GABBR2: variants seen among roughly 807,000 people sequenced by gnomAD.
GABBR2 encodes G-protein coupled receptor 51.
GABBR2 carries 23 observed loss-of-function variants against 105.6 expected under a neutral mutation model. The observed-to-expected ratio is 0.22, with a 90% CI of 0.16 to 0.31. The LOEUF (loss-of-function observed/expected upper bound fraction) is 0.31. GABBR2 is among the 10% of genes least tolerant of loss of function. The probability of loss-of-function intolerance (pLI) is 1.00; values close to 1 mark genes in which losing one functional copy is unlikely to be tolerated. For missense variants in GABBR2, 734 were observed against 1,245.5 expected (o/e 0.59, Z 6.18); for synonymous variants, 478 against 499.7 (o/e 0.96, Z 0.58).
At chr9:98,396,633 C>T (rs1046025101) in intron 8 of GABBR2, among the ~76,000 whole-genome samples, 6 of 152,206 alleles carry the variant, frequency 3.9e-5, no homozygotes, top group Non-Finnish European at 7.3e-5. Flanking sequence ...CTGCTTTGGC[C>T]TTTTGAAGTC....
Position 98,676,632 on chromosome 9 carries a change from C to G in GABBR2, c.321+31785G>C, listed in dbSNP as rs140880232. On this transcript the variant is annotated intron_variant, in intron 1 of 18. Coordinates refer to ENST00000259455, the MANE Select transcript of GABBR2 (RefSeq NM_005458.8). ...TTTCCCCTTCTGGTGAGCTAAAACA[C>G]AAATGTGGCAGGGACCCTATTGCAA... 1.4e-4 allele frequency among the ~76,000 whole-genome samples: 21 copies of G among 152,244 alleles called. No individual in the cohort carries two copies. The East Asian group carries it at 4.1e-3, about 29-fold the overall frequency.
chr9:98,582,217 TA>T (rs1829012953), intron 1 of GABBR2, among the ~76,000 whole-genome samples: 1 of 152,212 alleles, frequency 6.6e-6, no homozygotes, highest in African/African-American at 2.4e-5. Context: ...CATAAGTCCT[TA>T]AAAGCAGATC....
intron 7 of GABBR2, among the ~76,000 whole-genome samples, chr9:98,436,634 G>A (rs932289829): frequency 4.6e-5 from 7 of 150,932 alleles, no homozygotes; most frequent in Non-Finnish European, 1.0e-4. Flanking sequence ...TCCATGCCCC[G>A]TGCTCCTCCT....
chr9:98,670,651 A>T (rs1830396007), intron 1 of GABBR2, among the ~76,000 whole-genome samples: 1 of 152,272 alleles, frequency 6.6e-6, no homozygotes, highest in Admixed American at 6.5e-5. Context: ...ATTCAGCTTA[A>T]AAAGGAAAGA....
At chr9:98,645,240 G>T (rs140934873) in intron 1 of GABBR2, among the ~76,000 whole-genome samples, 100 of 152,328 alleles carry the variant, frequency 6.6e-4, no homozygotes, top group African/African-American at 2.3e-3. Flanking sequence ...GCAATGGGCT[G>T]CAGTGGTAAC....
chr9:98,611,493 T>C (rs1353085784), intron 1 of GABBR2, among the ~76,000 whole-genome samples: 1 of 144,350 alleles, frequency 6.9e-6, no homozygotes, highest in East Asian at 2.0e-4. Flanking sequence ...AATGAATGAA[T>C]GAAATTGGAA....
chr9:98,532,527 T>C (rs1370949519), intron 3 of GABBR2, among the ~76,000 whole-genome samples: 1 of 152,184 alleles, frequency 6.6e-6, no homozygotes, highest in African/African-American at 2.4e-5. Context: ...CCAGGAGGGA[T>C]GCCAAGGGCA....
At chr9:98,338,251 TAAAAG>T (rs1273544609) in intron 13 of GABBR2, among the ~76,000 whole-genome samples, 1 of 152,032 alleles carries the variant, frequency 6.6e-6, no homozygotes, top group East Asian at 1.9e-4. Context: ...GCAGAAATAA[TAAAAG>T]AAAAAATATA....
chr9:98,569,461 G>A (rs1192099306), intron 2 of GABBR2, among the ~76,000 whole-genome samples: 1 of 152,216 alleles, frequency 6.6e-6, no homozygotes, highest in East Asian at 1.9e-4. Flanking sequence ...TCAGAGATCT[G>A]CTTCTAGTAA....
intron 6 of GABBR2, among the ~76,000 whole-genome samples, chr9:98,466,425 C>G (rs112221272): frequency 3.9e-5 from 6 of 152,238 alleles, no homozygotes; most frequent in African/African-American, 1.4e-4. Flanking sequence ...CATGGGTGCT[C>G]TCCTTCAATA....
chr9:98,577,887 G>A (rs767754249), intron 2 of GABBR2, 48 bp downstream of exon 2: 2 of 1,558,968 alleles, frequency 1.3e-6, no homozygotes, highest in Non-Finnish European at 1.7e-6. Flanking sequence ...AAAGACTGAG[G>A]GCCAACCAAA....
At chr9:98,584,824 C>A (rs1271286596) in intron 1 of GABBR2, among the ~76,000 whole-genome samples, 1 of 152,166 alleles carries the variant, frequency 6.6e-6, no homozygotes, top group Non-Finnish European at 1.5e-5. Context: ...AGAAAGTCCC[C>A]TCTGGGTCTC....
intron 3 of GABBR2, among the ~76,000 whole-genome samples, chr9:98,499,592 C>CAA (rs1204000348): frequency 6.6e-6 from 1 of 152,182 alleles, no homozygotes; most frequent in Non-Finnish European, 1.5e-5. Context: ...TTTAAAGTGA[C>CAA]AAAAGCATGG....
chr9:98,384,708 C>T (rs2131487434), intron 11 of GABBR2, among the ~76,000 whole-genome samples: 1 of 152,280 alleles, frequency 6.6e-6, no homozygotes, highest in East Asian at 1.9e-4. Flanking sequence ...AGTTACACTG[C>T]TTTGGACTTC....
intron 3 of GABBR2, among the ~76,000 whole-genome samples, chr9:98,535,104 G>A (rs1054977754): frequency 6.6e-6 from 1 of 151,868 alleles, no homozygotes; most frequent in Non-Finnish European, 1.5e-5. Context: ...TTTTTTTTCA[G>A]GGGGGCACCG....
chr9:98,686,827 G>T (rs1246733793), intron 1 of GABBR2, among the ~76,000 whole-genome samples: 1 of 152,086 alleles, frequency 6.6e-6, no homozygotes, highest in Non-Finnish European at 1.5e-5. Context: ...TTGGCTCCTT[G>T]CTTCCTCCCT....
intron 1 of GABBR2, among the ~76,000 whole-genome samples, chr9:98,700,622 A>G (rs1337215281): frequency 6.6e-6 from 1 of 152,128 alleles, no homozygotes. Context: ...TTATGCTTAC[A>G]AGTCTATCTT....
chr9:98,531,319 C>T (rs1457293331), intron 3 of GABBR2, among the ~76,000 whole-genome samples: 2 of 152,136 alleles, frequency 1.3e-5, no homozygotes, highest in African/African-American at 4.8e-5. Flanking sequence ...TTATGGGGGA[C>T]CATCCACTAG....
chr9:98,522,871 G>A (rs898828096), intron 3 of GABBR2, among the ~76,000 whole-genome samples: 1 of 152,126 alleles, frequency 6.6e-6, no homozygotes, highest in Non-Finnish European at 1.5e-5. Context: ...AATGTAAAGA[G>A]TAAAATCAAA....
Sources: gnomAD v4.1 joint callset for allele counts (sites outside exome capture counted in the v4.1 genomes callset) on GRCh38, gnomAD v4.1.1 for gene constraint, MANE v1.5 for transcripts, NCBI Gene and HGNC (gene_info 2026-07-23, HGNC 2026-07-21) for gene names.